CHRM4: variants seen among roughly 807,000 people sequenced by gnomAD.
CHRM4 encodes muscarinic acetylcholine receptor M4.
Under a neutral mutation model 26.3 loss-of-function variants are expected in CHRM4, and 5 were observed. The ratio of observed to expected loss-of-function variants is 0.19; its 90% CI spans 0.10 to 0.40. The LOEUF is 0.40. CHRM4 is among the 10% of genes least tolerant of loss of function. The pLI is 1.00. For missense variants in CHRM4, 402 were observed against 664.5 expected, an observed-to-expected ratio of 0.60 and a Z score of 4.34; for synonymous variants, 290 against 285.3, an observed-to-expected ratio of 1.02 and a Z score of -0.16.
In CHRM4 at chr11:46,391,351, C is replaced by T. The variant is rs1945390383; in HGVS notation, c.-30+180G>A. Among the ~76,000 whole-genome samples the T allele has an allele frequency of 6.6e-6, 1 of 152,062 alleles. No individual in the cohort carries two copies. Among genetic ancestry groups the T allele is most frequent in the Non-Finnish European group, 1.5e-5 (1 of 67,960 alleles). ...CCGTGGGGTCTGTGGGCGGGCAATC[C>T]CCCGCCCCCGACATCCTGGATGCCC... On this transcript the variant is annotated intron_variant, in intron 1 of 1. Transcript: ENST00000682254. The surrounding 1 kb of genome is among the most constrained non-coding windows in gnomAD (Gnocchi z 6.3).
In CHRM4 at chr11:46,384,680, AAG is replaced by A. The variant is rs1565103440; in HGVS notation, c.*436_*437del. Among the ~76,000 whole-genome samples the A allele has an allele frequency of 1.3e-5, 2 of 152,144 alleles. No homozygotes were observed. Among genetic ancestry groups the A allele is most frequent in the African/African-American group, 2.4e-5 (1 of 41,420 alleles). On this transcript the variant is annotated 3_prime_UTR_variant, in exon 2 of 2. Transcript: ENST00000682254. The stretch of plus-strand genomic sequence containing the variant: ...TACATGCGGGGTGCAAGGGGGCAGA[AAG>A]CACCGATTACAGCAGAATGGGGGAC...
chr11:46,386,063 C>T lies in CHRM4; in HGVS notation c.495G>A (p.Ala165=), dbSNP rs200635481. 5.1e-5 allele frequency: 82 copies of T among 1,613,112 alleles called. No individual in the cohort carries two copies. The highest frequency in any genetic ancestry group is 1.6e-4 in the Middle Eastern group (1 of 6,062). The part of the protein sequence containing the change: ...AAWVLSFVLW[A]PAILFWQFVV... ...CAAACTGCCAGAACAAGATGGCAGG[C>T]GCCCAGAGCACGAAGGACAGTACCC... Residue 165 remains alanine, a synonymous_variant, in exon 2 of 2, where the codon GCG becomes GCA. Transcript: ENST00000682254. This position sits in a 1 kb window ranked among gnomAD's most constrained non-coding sequence, Gnocchi z 5.8.
At position 46,387,435 on chromosome 11, in the gene CHRM4, A is replaced by C. The variant is rs189704067; in HGVS notation, c.-29-849T>G. ...GCCATCATGCCTGGCAACATTTTTT[A>C]TAGTGTTAACTCATTTCATCCTCAT... On this transcript the variant is annotated intron_variant, in intron 1 of 1. Coordinates refer to ENST00000682254, the MANE Select transcript of CHRM4 (RefSeq NM_000741.5). Among the ~76,000 whole-genome samples, 24 of 152,250 alleles carry C rather than the reference A, an allele frequency of 1.6e-4. No individual in the cohort carries two copies. The East Asian group carries it at 4.6e-3, about 29-fold the overall frequency.
At position 46,385,708 on chromosome 11, in the gene CHRM4, G is replaced by T; in HGVS notation, c.850C>A (p.Pro284Thr). ...GTGTCCTTATCAGCCACGGGGCGCG[G>T]TGGCGGTGGCAGCGCTGGCGGGGGG... ...EAPPPALPPP[P>T]RPVADKDTSN... The change falls in exon 2 of 2, where the codon CCG (proline) becomes ACG (threonine). Residue 284 changes from proline to threonine, a missense_variant. By Grantham distance (38) the Pro-to-Thr change is conservative. Around this residue, in one of 5 missense-constraint regions of CHRM4, gnomAD observed 205 missense variants for 244.0 expected, o/e 0.84. Coordinates refer to ENST00000682254, the MANE Select transcript of CHRM4 (RefSeq NM_000741.5). This position sits in a 1 kb window ranked among gnomAD's most constrained non-coding sequence, Gnocchi z 6.3. The T allele has an allele frequency of 6.4e-7, 1 of 1,563,430 alleles. No homozygotes were observed. Among genetic ancestry groups the T allele is most frequent in the Non-Finnish European group, 8.6e-7 (1 of 1,156,480 alleles).
intron 1 of CHRM4, among the ~76,000 whole-genome samples, chr11:46,390,122 C>A (rs1318446890): frequency 2.6e-5 from 4 of 152,092 alleles, no homozygotes; most frequent in African/African-American, 9.7e-5. Context: ...AACGCCCCTG[C>A]CGGAGACTCA....
intron 1 of CHRM4, among the ~76,000 whole-genome samples, chr11:46,390,243 C>G (rs1470788676): frequency 6.6e-6 from 1 of 152,164 alleles, no homozygotes; most frequent in Non-Finnish European, 1.5e-5. Flanking sequence ...GGCCAGACTA[C>G]TAGGGGCTGC....
At position 46,384,497 on chromosome 11, in the gene CHRM4, CTGACCTCCCAGCTGCCCCATCTTAATG is replaced by C. The variant is rs2136547131; in HGVS notation, c.*594_*620del. 6.6e-6 allele frequency among the ~76,000 whole-genome samples: 1 copy of C among 152,346 alleles called. No homozygotes were observed. The highest frequency in any genetic ancestry group is 2.4e-5 in the African/African-American group (1 of 41,572). On this transcript the variant is annotated 3_prime_UTR_variant, in exon 2 of 2. Coordinates refer to ENST00000682254, the MANE Select transcript of CHRM4 (RefSeq NM_000741.5). ...GACCTCAGTTCCTGAGACAGAACCT[CTGACCTCCCAGCTGCCCCATCTTAATG>C]TGACAAGGGCAGTGCTGCTGGGGCG...
In CHRM4 at chr11:46,385,469, C is replaced by T. The variant is rs1043247515; in HGVS notation, c.1089G>A (p.Thr363=). ...CVTAIEIVPA[T]PAGMRPAANV... is the part of the protein sequence containing the mutation. ...TGGCCGCAGGGCGCATGCCAGCCGG[C>T]GTGGCAGGCACAATCTCAATGGCTG... Residue 363 remains threonine, a synonymous_variant, in exon 2 of 2, where the codon ACG becomes ACA. Coordinates refer to ENST00000682254, the MANE Select transcript of CHRM4 (RefSeq NM_000741.5). This position sits in a 1 kb window ranked among gnomAD's most constrained non-coding sequence, Gnocchi z 6.3. The T allele has an allele frequency of 3.7e-6, 6 of 1,600,238 alleles. No homozygotes were observed. The highest frequency in any genetic ancestry group is 4.5e-5 in the East Asian group (2 of 44,494).
At chr11:46,389,621 C>A (rs1356626501) in intron 1 of CHRM4, among the ~76,000 whole-genome samples, 1 of 152,222 alleles carries the variant, frequency 6.6e-6, no homozygotes, top group South Asian at 2.1e-4. Flanking sequence ...GTGCGGCCGC[C>A]GTTGGCCACC....
In CHRM4 at chr11:46,384,549, G is replaced by T. The variant is rs553317527; in HGVS notation, c.*569C>A. Among the ~76,000 whole-genome samples, 1 of 152,114 alleles carries T rather than the reference G, an allele frequency of 6.6e-6. No individual in the cohort carries two copies. The highest frequency in any genetic ancestry group is 2.4e-5 in the African/African-American group (1 of 41,432). On this transcript the variant is annotated 3_prime_UTR_variant, in exon 2 of 2. Coordinates refer to ENST00000682254, the MANE Select transcript of CHRM4 (RefSeq NM_000741.5). ...GTGACAAGGGCAGTGCTGCTGGGGC[G>T]GGGGGGACCTGGCCTCCATCATACC...
intron 1 of CHRM4, among the ~76,000 whole-genome samples, chr11:46,388,205 C>A (rs546631051): frequency 6.6e-6 from 1 of 152,206 alleles, no homozygotes; most frequent in African/African-American, 2.4e-5. Flanking sequence ...TGGTCGGATA[C>A]GCAGTTCTGT....
At chr11:46,390,677 C>G (rs916430675) in intron 1 of CHRM4, among the ~76,000 whole-genome samples, 1 of 152,278 alleles carries the variant, frequency 6.6e-6, no homozygotes, top group Non-Finnish European at 1.5e-5. Context: ...CATCTGGAGG[C>G]TCCTCCATGT....
Position 46,384,363 on chromosome 11 carries a change from CCCTGACTCGATGTGTGA to C in CHRM4, c.*738_*754del, listed in dbSNP as rs1276709508. On this transcript the variant is annotated 3_prime_UTR_variant, in exon 2 of 2. Transcript: ENST00000682254. ...GGGAATGCCATCCACCACAGCCTCA[CCCTGACTCGATGTGTGA>C]CCTGGGACAGCCTTCTAAGGCCGGG... 6.6e-6 allele frequency among the ~76,000 whole-genome samples: 1 copy of C among 152,210 alleles called. No individual in the cohort carries two copies.
chr11:46,389,185 T>G (rs1312543099), intron 1 of CHRM4, among the ~76,000 whole-genome samples: 2 of 152,188 alleles, frequency 1.3e-5, no homozygotes, highest in Non-Finnish European at 2.9e-5. Flanking sequence ...TCTGCTCCCC[T>G]CGACCCGAAA....
In CHRM4 at chr11:46,386,142, G is replaced by A. The variant is rs560953877; in HGVS notation, c.416C>T (p.Thr139Ile). 6.2e-7 allele frequency: 1 copy of A among 1,610,822 alleles called. No individual in the cohort carries two copies. Among genetic ancestry groups the A allele is most frequent in the East Asian group, 2.2e-5 (1 of 44,670 alleles). Residue 139 changes from threonine to isoleucine, a missense_variant, in exon 2 of 2, where the codon ACC becomes ATC. By Grantham distance (89) the Thr-to-Ile change is moderately conservative. Transcript: ENST00000682254. This position sits in a 1 kb window ranked among gnomAD's most constrained non-coding sequence, Gnocchi z 5.8. ...CTTGGTGGTGCGCCGGGCAGGGTAG[G>A]TGAGAGGCTTGGTGACGCAGAAGTA... ...DRYFCVTKPLTYPARRTTKMA... is the reference protein window; with the variant it reads ...DRYFCVTKPLIYPARRTTKMA...
chr11:46,389,700 G>A (rs1422836288), intron 1 of CHRM4, among the ~76,000 whole-genome samples: 1 of 152,172 alleles, frequency 6.6e-6, no homozygotes, highest in African/African-American at 2.4e-5. Flanking sequence ...GAAGTGACGC[G>A]GGGTCCCCTC....
rs750526872 is a variant in CHRM4 at position 46,386,526 on chromosome 11, G to A, written c.32C>T (p.Ser11Leu). The A allele has an allele frequency of 6.2e-6, 10 of 1,612,498 alleles. No homozygotes were observed. Among genetic ancestry groups the A allele is most frequent in the Non-Finnish European group, 8.5e-6 (10 of 1,179,200 alleles). Residue 11 changes from serine to leucine, a missense_variant, in exon 2 of 2, where the codon TCG becomes TTG. Coordinates refer to ENST00000682254, the MANE Select transcript of CHRM4 (RefSeq NM_000741.5). The surrounding 1 kb of genome is among the most constrained non-coding windows in gnomAD (Gnocchi z 5.8). MANFTPVNGS[S>L]GNQSVRLVTS... ...GACCAGGCGCACGGACTGATTGCCC[G>A]AGCTGCCATTGACAGGTGTGAAGTT... is the stretch of plus-strand genomic sequence containing the variant.
rs1171338657 is a variant in CHRM4, at chr11:46,385,019, C to T, written c.*99G>A. On this transcript the variant is annotated 3_prime_UTR_variant, in exon 2 of 2. Transcript: ENST00000682254. This position sits in a 1 kb window ranked among gnomAD's most constrained non-coding sequence, Gnocchi z 6.3. ...ACTTCCTCCTCAGCAAACGTGAACG[C>T]AGAATGGTGCCTGCAACTCTTCCCC... 6.9e-7 allele frequency: 1 copy of T among 1,449,152 alleles called. No homozygotes were observed. Among genetic ancestry groups the T allele is most frequent in the Non-Finnish European group, 9.1e-7 (1 of 1,093,118 alleles). The allele number at this position is 1,449,152 out of a possible 1,614,324, so 89.8% of individuals were successfully genotyped here.
In CHRM4 at chr11:46,384,876, G is replaced by A. The variant is rs137862710; in HGVS notation, c.*242C>T. ...CACCCAGGCCAGTGCCCCGCAGCTCGCTGAAGCAGGGCCACAGAGGTGGGC... is the reference window on the plus strand; with the variant it reads ...CACCCAGGCCAGTGCCCCGCAGCTCACTGAAGCAGGGCCACAGAGGTGGGC... On this transcript the variant is annotated 3_prime_UTR_variant, in exon 2 of 2. Transcript: ENST00000682254. Among the ~76,000 whole-genome samples the A allele has an allele frequency of 2.4e-3, 370 of 152,328 alleles. 2 individuals are homozygous for A. The highest frequency in any genetic ancestry group is 8.5e-3 in the African/African-American group (355 of 41,576).
Sources: allele counts gnomAD v4.1 joint callset (sites outside exome capture counted in the v4.1 genomes callset), GRCh38; gene constraint gnomAD v4.1.1; regional missense constraint gnomAD v4.1.1; non-coding constraint Gnocchi (gnomAD v3.1); transcripts MANE v1.5; gene names NCBI Gene and HGNC (gene_info 2026-07-23, HGNC 2026-07-21).